Variants in LSM14B observed in about 807,000 individuals in gnomAD.
The protein encoded by LSM14B is protein LSM14 homolog B.
In LSM14B, 8 loss-of-function variants were observed where a neutral mutation model predicts 42.1. That is an observed-to-expected ratio of 0.19 (90% CI 0.11 to 0.34). LSM14B has a LOEUF of 0.34. Ranked by LOEUF, LSM14B falls within the 10% of genes least tolerant of loss-of-function variation. The pLI is 1.00. For synonymous variants in LSM14B, 219 were observed against 209.7 expected, an observed-to-expected ratio of 1.04 and a Z score of -0.38; for missense variants, 396 against 513.1, an observed-to-expected ratio of 0.77 and a Z score of 2.21.
chr20:62,129,178 G>A (rs1260260140), intron 3 of LSM14B: 4 of 345,972 alleles, frequency 1.2e-5, no homozygotes, highest in African/African-American at 8.6e-5. Context: ...TTCATGATGA[G>A]CCTTTGCCCT....
rs957704465 is a variant in LSM14B, at chr20:62,135,354, T to C, written c.*1206T>C. ...GAGTAATGTAAATTGTAATTATAAA[T>C]AAACATGCAAACCTTTAAAATTTTC... is the stretch of plus-strand genomic sequence containing the variant. On this transcript the variant is annotated 3_prime_UTR_variant, in exon 9 of 9. Coordinates refer to ENST00000279068, the MANE Select transcript of LSM14B (RefSeq NM_144703.3). 5.9e-5 allele frequency: 9 copies of C among 152,204 alleles called. No individual in the cohort carries two copies. Among genetic ancestry groups the C allele is most frequent in the East Asian group, 3.8e-4 (2 of 5,200 alleles). 9.4% of individuals were successfully genotyped at this position (152,204 alleles called of 1,614,324 possible).
intron 7 of LSM14B, among the ~76,000 whole-genome samples, 176 bp from the exon 8 acceptor site, chr20:62,133,114 G>A (rs1294185298): frequency 6.6e-6 from 1 of 152,186 alleles, no homozygotes; most frequent in Non-Finnish European, 1.5e-5. Flanking sequence ...GGTTGGAAAC[G>A]TGGCAGGGAG....
chr20:62,122,664 G>C lies in LSM14B; in HGVS notation c.-3G>C. 7.0e-7 allele frequency: 1 copy of C among 1,437,862 alleles called. No individual in the cohort carries two copies. The allele number at this position is 1,437,862 out of a possible 1,614,324, so 89.1% of individuals were successfully genotyped here. A position where few individuals can be genotyped will look rare whatever the true frequency, so the allele number is the denominator to read the frequency against. ...CGCGGCCCGACGCACCCCGGCCGCC[G>C]CCATGAGCGGCTCCTCAGGCACCCC... is the stretch of plus-strand genomic sequence containing the variant. On this transcript the variant is annotated 5_prime_UTR_variant, in exon 1 of 9. Coordinates refer to ENST00000279068, the MANE Select transcript of LSM14B (RefSeq NM_144703.3). The surrounding 1 kb of genome is among the most constrained non-coding windows in gnomAD (Gnocchi z 4.6).
At position 62,135,211 on chromosome 20, in the gene LSM14B, C is replaced by G. The variant is rs1196675700; in HGVS notation, c.*1063C>G. 6.6e-6 allele frequency: 1 copy of G among 152,170 alleles called. No homozygotes were observed. The highest frequency in any genetic ancestry group is 1.5e-5 in the Non-Finnish European group (1 of 68,040). 9.4% of individuals were successfully genotyped at this position (152,170 alleles called of 1,614,324 possible). A position where few individuals can be genotyped will look rare whatever the true frequency, so the allele number is the denominator to read the frequency against. On this transcript the variant is annotated 3_prime_UTR_variant, in exon 9 of 9. Transcript: ENST00000279068. ...AATAAGCACCTTGGTAACTAAACCCCTCTAATAGCTATAAAGGCTTTAGTT... is the reference window on the plus strand; with the variant it reads ...AATAAGCACCTTGGTAACTAAACCCGTCTAATAGCTATAAAGGCTTTAGTT...
chr20:62,124,920 C>T (rs1304085038), intron 2 of LSM14B, 140 bp downstream of exon 2: 5 of 969,870 alleles, frequency 5.2e-6, no homozygotes, highest in African/African-American at 5.0e-5. Flanking sequence ...CTCGCTGTGT[C>T]ACCAGGCTGG....
chr20:62,126,038 G>C (rs1266307785), intron 2 of LSM14B, among the ~76,000 whole-genome samples: 1 of 152,136 alleles, frequency 6.6e-6, no homozygotes, highest in African/African-American at 2.4e-5. Context: ...TCCAGCCCAG[G>C]CGACAGAGCA....
intron 3 of LSM14B, chr20:62,127,768 C>A: frequency 9.0e-7 from 1 of 1,112,112 alleles, no homozygotes; most frequent in Non-Finnish European, 1.3e-6. Context: ...GGTAAAGCAG[C>A]AGACAGAATG....
At position 62,122,662 on chromosome 20, in the gene LSM14B, C is replaced by A; in HGVS notation, c.-5C>A. The A allele has an allele frequency of 7.0e-7, 1 of 1,432,000 alleles. No individual in the cohort carries two copies. Among genetic ancestry groups the A allele is most frequent in the East Asian group, 3.2e-5 (1 of 30,822 alleles). 88.7% of individuals were successfully genotyped at this position (1,432,000 alleles called of 1,614,324 possible). Reference sequence around the variant, plus strand: ...ACCGCGGCCCGACGCACCCCGGCCGCCGCCATGAGCGGCTCCTCAGGCACC... The same window carrying A: ...ACCGCGGCCCGACGCACCCCGGCCGACGCCATGAGCGGCTCCTCAGGCACC... On this transcript the variant is annotated 5_prime_UTR_variant, in exon 1 of 9. Coordinates refer to ENST00000279068, the MANE Select transcript of LSM14B (RefSeq NM_144703.3). The surrounding 1 kb of genome is among the most constrained non-coding windows in gnomAD (Gnocchi z 4.6).
intron 1 of LSM14B, chr20:62,123,059 G>C (rs948036446): frequency 1.1e-5 from 2 of 186,514 alleles, no homozygotes; most frequent in South Asian, 1.9e-4. Context: ...GATTGTGCGC[G>C]GGCGCCCGGC....
chr20:62,134,473 ACT>A lies in LSM14B; in HGVS notation c.*326_*327del, dbSNP rs1491474332. On this transcript the variant is annotated 3_prime_UTR_variant, in exon 9 of 9. Transcript: ENST00000279068. ...GTGAAAGCTGAATCCTTACTTTGTG[ACT>A]TTTTTTTTTTTTTTTAATGACAAGC... 6.5e-5 allele frequency: 7 copies of A among 108,324 alleles called. No individual in the cohort carries two copies. The highest frequency in any genetic ancestry group is 1.1e-4 in the South Asian group (1 of 9,264). 6.7% of individuals were successfully genotyped at this position (108,324 alleles called of 1,614,324 possible). A position where few individuals can be genotyped will look rare whatever the true frequency, so the allele number is the denominator to read the frequency against.
In LSM14B at chr20:62,129,861, C is replaced by G; in HGVS notation, c.504C>G (p.Asn168Lys). Residue 168 changes from asparagine (N) to lysine (K), a missense_variant, in exon 4 of 9, where the codon AAC becomes AAG. Around this residue, in one of 3 missense-constraint regions of LSM14B, gnomAD observed 274 missense variants for 335.8 expected, o/e 0.82. Coordinates refer to ENST00000279068, the MANE Select transcript of LSM14B (RefSeq NM_144703.3). ...EQAVQTGSAD[N>K]LNAKKLLPGK... ...CTGTGCAGACTGGTTCTGCTGACAA[C>G]CTGAATGCTAAAAAGCTGTTACCTG... 3 of 1,612,804 alleles carry G rather than the reference C, an allele frequency of 1.9e-6. No homozygotes were observed. The highest frequency in any genetic ancestry group is 1.7e-6 in the Non-Finnish European group (2 of 1,179,482).
In LSM14B at chr20:62,130,568, C is replaced by G. The variant is rs770246411; in HGVS notation, c.712C>G (p.Arg238Gly). 3.7e-6 allele frequency: 6 copies of G among 1,613,922 alleles called. No homozygotes were observed. Among genetic ancestry groups the G allele is most frequent in the Non-Finnish European group, 5.1e-6 (6 of 1,179,870 alleles). The change falls in exon 6 of 9, where the codon CGT (arginine) becomes GGT (glycine). Residue 238 changes from arginine to glycine, a missense_variant. Around this residue, in one of 3 missense-constraint regions of LSM14B, gnomAD observed 274 missense variants for 335.8 expected, o/e 0.82. Transcript: ENST00000279068. The surrounding 1 kb of genome is among the most constrained non-coding windows in gnomAD (Gnocchi z 4.1). The part of the protein sequence containing the change: ...RTRNRSRGQN[R>G]PTNVKENTIK... ...AAGGAATCGCTCCAGAGGGCAAAAC[C>G]GTCCAACTAACGTTAAGGAAAACAC...
intron 7 of LSM14B, 23 bp downstream of exon 7, chr20:62,131,529 G>C: frequency 6.2e-7 from 1 of 1,609,754 alleles, no homozygotes; most frequent in South Asian, 1.1e-5. Flanking sequence ...ATGAATGAGG[G>C]GAGGACAGTC....
Position 62,122,559 on chromosome 20 carries a change from C to T in LSM14B, c.-108C>T, listed in dbSNP as rs901079451. 17 of 815,644 alleles carry T rather than the reference C, an allele frequency of 2.1e-5. No homozygotes were observed. The Admixed American group carries it at 3.8e-4, about 18-fold the overall frequency. The allele number at this position is 815,644 out of a possible 1,614,324, so 50.5% of individuals were successfully genotyped here. The stretch of plus-strand genomic sequence containing the variant: ...GGAGGCGCCCAGGCGGAGGCGGCGG[C>T]GGGCGGAGGAGCGCAGGAGCGGGCG... On this transcript the variant is annotated 5_prime_UTR_variant, in exon 1 of 9. Coordinates refer to ENST00000279068, the MANE Select transcript of LSM14B (RefSeq NM_144703.3). This position sits in a 1 kb window ranked among gnomAD's most constrained non-coding sequence, Gnocchi z 4.6.
Position 62,131,420 on chromosome 20 carries a change from C to A in LSM14B, c.900C>A (p.Pro300=). The part of the protein sequence containing the change: ...LAVVTQSAEA[P]AEEDLLGPNC... ...TGGTGACCCAGAGTGCCGAAGCGCC[C>A]GCTGAGGAAGACCTTCTGGGGCCCA... is the stretch of plus-strand genomic sequence containing the variant. Residue 300 remains proline (P), a synonymous_variant, in exon 7 of 9, where the codon CCC becomes CCA. Coordinates refer to ENST00000279068, the MANE Select transcript of LSM14B (RefSeq NM_144703.3). 6.2e-7 allele frequency: 1 copy of A among 1,613,672 alleles called. No individual in the cohort carries two copies. The highest frequency in any genetic ancestry group is 1.1e-5 in the South Asian group (1 of 91,064).
At chr20:62,133,671 G>T (rs2056830650) in intron 8 of LSM14B, among the ~76,000 whole-genome samples, 196 bp downstream of exon 8, 1 of 152,228 alleles carries the variant, frequency 6.6e-6, no homozygotes. Flanking sequence ...CATCTGTGGG[G>T]GTAGGATCCA....
At position 62,133,449 on chromosome 20, in the gene LSM14B, T is replaced by G. The variant is rs2056824316; in HGVS notation, c.1146T>G (p.Thr382=). The G allele has an allele frequency of 1.2e-6, 2 of 1,612,624 alleles. No individual in the cohort carries two copies. The highest frequency in any genetic ancestry group is 1.7e-6 in the Non-Finnish European group (2 of 1,179,406). The change falls in exon 8 of 9, where the codon ACT becomes ACG. Residue 382 remains threonine, a synonymous_variant. Transcript: ENST00000279068. ...RRNPTSHRAG[T]GRV is the part of the protein sequence containing the mutation. Reference sequence around the variant, plus strand: ...ACCCCACTTCCCACAGGGCCGGGACTGGCAGGGTGTGAGGGTGCAGCCAAA... The same window carrying G: ...ACCCCACTTCCCACAGGGCCGGGACGGGCAGGGTGTGAGGGTGCAGCCAAA...
In LSM14B at chr20:62,126,313, G is replaced by C; in HGVS notation, c.301G>C (p.Gly101Arg). The C allele has an allele frequency of 1.2e-6, 2 of 1,613,918 alleles. No homozygotes were observed. The highest frequency in any genetic ancestry group is 8.5e-7 in the Non-Finnish European group (1 of 1,179,898). ...ATGTCTCGTTGTTCAGTCTTCCCTGGGTTCTGCCTCCGCCTCGCCCTTCCA... is the reference window on the plus strand; with the variant it reads ...ATGTCTCGTTGTTCAGTCTTCCCTGCGTTCTGCCTCCGCCTCGCCCTTCCA... ...QDPAIVQSSLGSASASPFQPH... is the reference protein window; with the variant it reads ...QDPAIVQSSLRSASASPFQPH... The change falls in exon 3 of 9, where the codon GGT (glycine) becomes CGT (arginine). Residue 101 changes from glycine to arginine, a missense_variant. Gly to Arg is a moderately radical substitution (Grantham distance 125). Around this residue, in one of 3 missense-constraint regions of LSM14B, gnomAD observed 274 missense variants for 335.8 expected, o/e 0.82. Coordinates refer to ENST00000279068, the MANE Select transcript of LSM14B (RefSeq NM_144703.3).
intron 3 of LSM14B, 38 bp downstream of exon 3, chr20:62,126,477 G>T: frequency 6.3e-7 from 1 of 1,597,196 alleles, no homozygotes; most frequent in Non-Finnish European, 8.5e-7. Flanking sequence ...CTACCCTTGC[G>T]TGTAACTGTC....
Sources: gnomAD v4.1 joint callset for allele counts (sites outside exome capture counted in the v4.1 genomes callset) on GRCh38, gnomAD v4.1.1 for gene constraint, gnomAD v4.1.1 regional missense constraint, Gnocchi (gnomAD v3.1) non-coding constraint, MANE v1.5 for transcripts, NCBI Gene and HGNC (gene_info 2026-07-23, HGNC 2026-07-21) for gene names.